Variants in ADGRB3 observed in about 807,000 individuals in gnomAD.
The protein encoded by ADGRB3 is adhesion G protein-coupled receptor B3.
A neutral mutation model predicts 193.4 loss-of-function variants in ADGRB3; 37 were observed. The ratio of observed to expected loss-of-function variants is 0.19; its 90% confidence interval spans 0.15 to 0.25. ADGRB3 has a LOEUF of 0.25. ADGRB3 is among the 10% of genes least tolerant of loss of function. ADGRB3 has a pLI of 1.00. For missense variants in ADGRB3, 1,637 were observed against 1,852.9 expected, an observed-to-expected ratio of 0.88 and a Z score of 2.14; for synonymous variants, 690 against 644.2, an observed-to-expected ratio of 1.07 and a Z score of -1.08.
chr6:69,223,603 T>G (rs1023529016), intron 17 of ADGRB3, among the ~76,000 whole-genome samples: 2 of 151,520 alleles, frequency 1.3e-5, no homozygotes, highest in African/African-American at 4.8e-5. Flanking sequence ...TAGCTGTCTG[T>G]GTTAGTTTGG....
chr6:69,028,390 A>G (rs1355096777), intron 13 of ADGRB3, among the ~76,000 whole-genome samples: 1 of 152,178 alleles, frequency 6.6e-6, no homozygotes, highest in Non-Finnish European at 1.5e-5. Flanking sequence ...ATACCATAGA[A>G]GTTTCTTATC....
intron 26 of ADGRB3, among the ~76,000 whole-genome samples, chr6:69,342,923 C>A (rs1769006001): frequency 6.6e-6 from 1 of 151,570 alleles, no homozygotes; most frequent in Admixed American, 6.6e-5. Flanking sequence ...ATATATATTT[C>A]TATTTCTATG....
At chr6:69,071,885 G>T in intron 16 of ADGRB3, among the ~76,000 whole-genome samples, 1 of 151,682 alleles carries the variant, frequency 6.6e-6, no homozygotes, top group Admixed American at 6.6e-5. Context: ...TGTTATATTG[G>T]GCTACTTCTC....
intron 11 of ADGRB3, among the ~76,000 whole-genome samples, chr6:69,013,542 T>G (rs968477226): frequency 6.6e-6 from 1 of 152,126 alleles, no homozygotes; most frequent in Admixed American, 6.6e-5. Flanking sequence ...AAAAGTATAA[T>G]GGCCAGGAAG....
At chr6:68,957,366 T>C (rs988854234) in intron 8 of ADGRB3, among the ~76,000 whole-genome samples, 2 of 152,174 alleles carry the variant, frequency 1.3e-5, no homozygotes, top group African/African-American at 4.8e-5. Context: ...TACAGGATCA[T>C]TTAGAACAAA....
chr6:68,866,247 C>T (rs1448938091), intron 3 of ADGRB3, among the ~76,000 whole-genome samples: 6 of 152,122 alleles, frequency 3.9e-5, no homozygotes, highest in Admixed American at 6.5e-5. Context: ...AGTTTCTCCC[C>T]TCCTGTTCTC....
At chr6:69,145,476 G>A (rs1000044552) in intron 17 of ADGRB3, among the ~76,000 whole-genome samples, 18 of 152,162 alleles carry the variant, frequency 1.2e-4, no homozygotes, top group African/African-American at 3.9e-4. Flanking sequence ...CACCTGAAGG[G>A]CTGCAGCTCT....
At chr6:68,844,804 G>A (rs905057421) in intron 3 of ADGRB3, among the ~76,000 whole-genome samples, 2 of 152,120 alleles carry the variant, frequency 1.3e-5, no homozygotes, top group Non-Finnish European at 2.9e-5. Context: ...AGAGTGAGAC[G>A]ATGTCATTTG....
At chr6:69,055,851 A>G (rs1771531447) in intron 15 of ADGRB3, among the ~76,000 whole-genome samples, 2 of 151,302 alleles carry the variant, frequency 1.3e-5, no homozygotes, top group African/African-American at 4.9e-5. Context: ...TGTTTTGTGC[A>G]CACAGTCTCG....
chr6:68,717,291 T>C (rs957216356), intron 3 of ADGRB3, among the ~76,000 whole-genome samples: 13 of 151,722 alleles, frequency 8.6e-5, no homozygotes, highest in African/African-American at 2.9e-4. Context: ...CATTTTATAA[T>C]AATTCCAAAT....
At chr6:68,929,055 C>T (rs569412643) in intron 3 of ADGRB3, among the ~76,000 whole-genome samples, 189 of 152,138 alleles carry the variant, frequency 1.2e-3, no homozygotes, top group African/African-American at 4.4e-3. Context: ...GGTTTAGACA[C>T]CACATACAGC....
At chr6:68,948,023 C>T (rs533423420) in intron 6 of ADGRB3, among the ~76,000 whole-genome samples, 10 of 152,174 alleles carry the variant, frequency 6.6e-5, no homozygotes, top group South Asian at 2.1e-4. Flanking sequence ...TTTAAGGAAG[C>T]GAGCGGCCTT....
At chr6:68,927,167 A>T (rs1340106756) in intron 3 of ADGRB3, among the ~76,000 whole-genome samples, 1 of 152,212 alleles carries the variant, frequency 6.6e-6, no homozygotes, top group East Asian at 1.9e-4. Context: ...CCATGTGTAC[A>T]TACATAATGT....
chr6:69,254,739 G>C (rs978492328), intron 20 of ADGRB3, among the ~76,000 whole-genome samples: 1 of 149,612 alleles, frequency 6.7e-6, no homozygotes, highest in South Asian at 2.1e-4. Flanking sequence ...TAAGTTTTAG[G>C]GTACATGTGC....
chr6:69,048,190 A>G lies in ADGRB3; in HGVS notation c.2113A>G (p.Ser705Gly), dbSNP rs768335457. ...SYLMTGNVVA[S>G]IQKLPAASVL... ...TATTATTTCTTTTTTAATAGTGGCT[A>G]GTATTCAGAAGCTTCCTGCAGCCTC... Residue 705 changes from serine (S) to glycine (G), a missense_variant, in exon 14 of 32, where the codon AGT becomes GGT. By Grantham distance (56) the Ser-to-Gly change is moderately conservative. Transcript: ENST00000370598. The G allele has an allele frequency of 5.6e-6, 9 of 1,609,788 alleles. No individual in the cohort carries two copies. The highest frequency in any genetic ancestry group is 1.3e-5 in the African/African-American group (1 of 74,772).
intron 3 of ADGRB3, among the ~76,000 whole-genome samples, chr6:68,806,430 T>A (rs1303673170): frequency 6.6e-6 from 1 of 152,086 alleles, no homozygotes; most frequent in African/African-American, 2.4e-5. Flanking sequence ...AAAATTTACA[T>A]AATACTCTGA....
intron 17 of ADGRB3, among the ~76,000 whole-genome samples, chr6:69,169,672 A>G (rs1775223731): frequency 6.6e-6 from 1 of 152,000 alleles, no homozygotes; most frequent in Non-Finnish European, 1.5e-5. Context: ...GTTGAAGATA[A>G]TAGTTTTGAC....
At chr6:68,802,210 GTA>G (rs1247315832) in intron 3 of ADGRB3, among the ~76,000 whole-genome samples, 21 of 151,398 alleles carry the variant, frequency 1.4e-4, no homozygotes, top group African/African-American at 3.6e-4. Context: ...GTGTGTGTGT[GTA>G]TGTGTGTGTG....
At chr6:68,895,526 A>G (rs1371407326) in intron 3 of ADGRB3, among the ~76,000 whole-genome samples, 1 of 151,972 alleles carries the variant, frequency 6.6e-6, no homozygotes, top group Admixed American at 6.6e-5. Flanking sequence ...CTCTGATTAA[A>G]GAGGAATAAA....
Sources: gnomAD v4.1 joint callset for allele counts (sites outside exome capture counted in the v4.1 genomes callset) on GRCh38, gnomAD v4.1.1 for gene constraint, MANE v1.5 for transcripts, NCBI Gene and HGNC (gene_info 2026-07-23, HGNC 2026-07-21) for gene names.